The following ANKDD1A variants were observed in gnomAD, a reference collection of about 807,000 sequenced individuals.
The protein encoded by ANKDD1A is ankyrin repeat and death domain-containing protein 1A.
Under a neutral mutation model 63.5 loss-of-function variants are expected in ANKDD1A, and 59 were observed. The observed-to-expected ratio is 0.93, with a 90% CI of 0.75 to 1.15. ANKDD1A has a LOEUF of 1.15. Ranked by LOEUF, ANKDD1A falls within the 50% of genes most tolerant of loss-of-function variation. ANKDD1A has a pLI of 0.00. For missense variants in ANKDD1A, 632 were observed against 656.4 expected (o/e 0.96, Z 0.41); for synonymous variants, 266 against 263.9 (o/e 1.01, Z -0.08).
chr15:64,945,439 T>C (rs1249740973), intron 12 of ANKDD1A, among the ~76,000 whole-genome samples: 8 of 151,868 alleles, frequency 5.3e-5, no homozygotes, highest in African/African-American at 1.9e-4. Context: ...CACTTCAATA[T>C]AGTATTCACT....
At chr15:64,943,844 C>T (rs2085203998) in intron 11 of ANKDD1A, 1 of 487,018 alleles carries the variant, frequency 2.1e-6, no homozygotes, top group South Asian at 2.4e-5. Flanking sequence ...CTTTATGGCC[C>T]CCATCAGACT....
intron 9 of ANKDD1A, among the ~76,000 whole-genome samples, chr15:64,937,681 T>C (rs887018168): frequency 6.6e-6 from 1 of 152,076 alleles, no homozygotes; most frequent in Non-Finnish European, 1.5e-5. Flanking sequence ...TGAGCTGAGA[T>C]TGTGCCACTG....
chr15:64,951,705 TATTTTC>T (rs1213688023), intron 14 of ANKDD1A, among the ~76,000 whole-genome samples: 1 of 126,620 alleles, frequency 7.9e-6, no homozygotes, highest in African/African-American at 2.9e-5. Flanking sequence ...TCTTCTTCCT[TATTTTC>T]TTTTTCTTCC....
At chr15:64,952,030 TTCTTCTTTCC>T (rs2085295402) in intron 14 of ANKDD1A, among the ~76,000 whole-genome samples, 1 of 148,590 alleles carries the variant, frequency 6.7e-6, no homozygotes, top group Non-Finnish European at 1.5e-5. Flanking sequence ...CTTCTTTTTC[TTCTTCTTTCC>T]TCTTCTTTCT....
intron 9 of ANKDD1A, 114 bp downstream of exon 9, chr15:64,934,348 C>T: frequency 2.2e-6 from 2 of 920,422 alleles, no homozygotes; most frequent in Non-Finnish European, 3.2e-6. Context: ...GGGTGCGGAC[C>T]AGGAGTAGGG....
In ANKDD1A at chr15:64,917,483, C is replaced by A. The variant is rs377565868; in HGVS notation, c.236C>A (p.Ala79Glu). Residue 79 changes from alanine (A) to glutamate (E), a missense_variant, in exon 3 of 15, where the codon GCG becomes GAG. Physicochemically the swap from Ala to Glu is moderately radical, Grantham distance 107 (BLOSUM62 -1). Transcript: ENST00000319580. The part of the protein sequence containing the change: ...EHEAAVDEED[A>E]VGALTEARLC... Reference sequence around the variant, plus strand: ...GAGGCTGCTGTGGACGAGGAGGATGCGGTAGGGGCCCTCACAGAGGCACGT... The same window carrying A: ...GAGGCTGCTGTGGACGAGGAGGATGAGGTAGGGGCCCTCACAGAGGCACGT... 1.3e-6 allele frequency: 2 copies of A among 1,592,918 alleles called. No individual in the cohort carries two copies. The highest frequency in any genetic ancestry group is 1.7e-6 in the Non-Finnish European group (2 of 1,170,164).
At chr15:64,918,869 G>A (rs1440644169) in intron 3 of ANKDD1A, among the ~76,000 whole-genome samples, 2 of 151,986 alleles carry the variant, frequency 1.3e-5, no homozygotes, top group Admixed American at 6.6e-5. Context: ...CAGGAGAATC[G>A]CTGGAACCTG....
At chr15:64,949,807 T>C (rs761222445) in intron 13 of ANKDD1A, 34 bp from the exon 14 acceptor site, 37 of 1,594,316 alleles carry the variant, frequency 2.3e-5, no homozygotes, top group Middle Eastern at 1.7e-4. Flanking sequence ...ATTGGCTCCT[T>C]CTCCCTCTCT....
At chr15:64,954,531 CCTCCTT>C (rs1416180866) in intron 14 of ANKDD1A, among the ~76,000 whole-genome samples, 4 of 20,956 alleles carry the variant, frequency 1.9e-4, no homozygotes, top group South Asian at 3.2e-3. Context: ...TCTCCTTCTT[CCTCCTT>C]CTCCTTCTTC....
chr15:64,927,138 A>G lies in ANKDD1A; in HGVS notation c.570+139A>G, dbSNP rs996138610. 3 of 862,760 alleles carry G rather than the reference A, an allele frequency of 3.5e-6. No individual in the cohort carries two copies. In the South Asian group the frequency reaches 4.8e-5, roughly 14 times the overall value. 53.4% of individuals were successfully genotyped at this position (862,760 alleles called of 1,614,324 possible). On this transcript the variant is annotated intron_variant, in intron 6 of 14. Coordinates refer to ENST00000319580, the MANE Select transcript of ANKDD1A (RefSeq NM_182703.6). ...GTGGCCCAAAGATGAGAGTGTATTT[A>G]GTGTTCATCCAGCAGGCCCTTCACC...
intron 9 of ANKDD1A, among the ~76,000 whole-genome samples, chr15:64,937,357 T>C (rs2085142398): frequency 6.6e-6 from 1 of 152,216 alleles, no homozygotes; most frequent in African/African-American, 2.4e-5. Context: ...AGCAAAATAT[T>C]GAAACCCATG....
chr15:64,926,387 AAGGACT>A (rs992956571), intron 5 of ANKDD1A, among the ~76,000 whole-genome samples: 1 of 152,132 alleles, frequency 6.6e-6, no homozygotes, highest in African/African-American at 2.4e-5. Flanking sequence ...GGTCTTGATC[AAGGACT>A]AGGTGGGTTA....
chr15:64,916,063 A>G (rs961624153), intron 2 of ANKDD1A, among the ~76,000 whole-genome samples, 163 bp downstream of exon 2: 1 of 152,164 alleles, frequency 6.6e-6, no homozygotes. Flanking sequence ...GTCTCGAGGA[A>G]TCTGAGGCTT....
At chr15:64,924,035 T>C (rs2085027796) in intron 4 of ANKDD1A, among the ~76,000 whole-genome samples, 1 of 152,230 alleles carries the variant, frequency 6.6e-6, no homozygotes, top group South Asian at 2.1e-4. Flanking sequence ...TGATATATTA[T>C]TTTCCACAAT....
chr15:64,951,593 T>TC, intron 14 of ANKDD1A, among the ~76,000 whole-genome samples: 3 of 141,562 alleles, frequency 2.1e-5, no homozygotes, highest in African/African-American at 8.0e-5. Flanking sequence ...TTCCTTTTCT[T>TC]TCTTCTTTCT....
intron 9 of ANKDD1A, among the ~76,000 whole-genome samples, chr15:64,940,364 C>T (rs1035265239): frequency 1.3e-5 from 2 of 151,918 alleles, no homozygotes; most frequent in Non-Finnish European, 2.9e-5. Flanking sequence ...AGAGGATCCT[C>T]TCCACCATCC....
At chr15:64,943,240 T>A in intron 10 of ANKDD1A, 1 of 472,626 alleles carries the variant, frequency 2.1e-6, no homozygotes, top group Non-Finnish European at 3.8e-6. Flanking sequence ...TAGTATGGAG[T>A]TATCAAAAAT....
At chr15:64,956,429 G>C (rs2085417677) in intron 14 of ANKDD1A, among the ~76,000 whole-genome samples, 1 of 152,064 alleles carries the variant, frequency 6.6e-6, no homozygotes, top group Non-Finnish European at 1.5e-5. Context: ...GGCACCTGTA[G>C]TCAGTCGCAG....
chr15:64,953,273 C>T (rs998149400), intron 14 of ANKDD1A, among the ~76,000 whole-genome samples: 3 of 147,032 alleles, frequency 2.0e-5, no homozygotes, highest in Non-Finnish European at 4.5e-5. Context: ...AGTTCTTCCT[C>T]TTCTTTCCTT....
Sources: gnomAD v4.1 joint callset for allele counts (sites outside exome capture counted in the v4.1 genomes callset) on GRCh38, gnomAD v4.1.1 for gene constraint, MANE v1.5 for transcripts, NCBI Gene and HGNC (gene_info 2026-07-23, HGNC 2026-07-21) for gene names.